The following KCNG2 variants were observed in gnomAD, a reference collection of about 807,000 sequenced individuals.
The protein encoded by KCNG2 is potassium voltage-gated channel modifier subfamily G member 2.
In KCNG2, 7 loss-of-function variants were observed where a neutral mutation model predicts 12.3. That is an observed-to-expected ratio of 0.57 (90% CI 0.32 to 1.07). The LOEUF (loss-of-function observed/expected upper bound fraction) is 1.07, where lower values mean the gene tolerates loss of function less well. Among genes scored for constraint, KCNG2 ranks in the 50% least tolerant of loss-of-function variants. The pLI, the probability that KCNG2 is intolerant of heterozygous loss-of-function variation, is 0.04. For synonymous variants in KCNG2, 414 were observed against 351.4 expected, an observed-to-expected ratio of 1.18 and a Z score of -1.99; for missense variants, 703 against 726.0, an observed-to-expected ratio of 0.97 and a Z score of 0.36.
chr18:79,845,515 G>GCAGCTCCATATAATGTA (rs1425399584), intron 1 of KCNG2, among the ~76,000 whole-genome samples: 1 of 152,204 alleles, frequency 6.6e-6, no homozygotes, highest in Non-Finnish European at 1.5e-5. Context: ...GCAATTATAT[G>GCAGCTCCATATAATGTA]CAGCTGTACT....
intron 3 of KCNG2, among the ~76,000 whole-genome samples, chr18:79,898,170 G>C (rs1252893800): frequency 6.6e-6 from 1 of 152,190 alleles, no homozygotes; most frequent in Non-Finnish European, 1.5e-5. Flanking sequence ...ATGTTCCATT[G>C]CAAAGGAAGT....
intron 3 of KCNG2, among the ~76,000 whole-genome samples, chr18:79,896,412 C>T (rs1438433728): frequency 3.9e-5 from 6 of 152,092 alleles, no homozygotes; most frequent in Non-Finnish European, 7.3e-5. Context: ...GCTGTATTCA[C>T]TTTTCTCCCT....
chr18:79,798,856 A>G (rs1278184998), intron 1 of KCNG2, among the ~76,000 whole-genome samples: 1 of 152,136 alleles, frequency 6.6e-6, no homozygotes, highest in Non-Finnish European at 1.5e-5. Flanking sequence ...CGCGTCCCGA[A>G]CGTTCCCCTA....
At chr18:79,898,415 C>T (rs1356157020) in intron 3 of KCNG2, among the ~76,000 whole-genome samples, 1 of 152,232 alleles carries the variant, frequency 6.6e-6, no homozygotes, top group Non-Finnish European at 1.5e-5. Context: ...AGGCCAGCCT[C>T]CCACCCACGA....
chr18:79,870,246 G>A (rs1026246796), intron 3 of KCNG2, among the ~76,000 whole-genome samples: 4 of 152,244 alleles, frequency 2.6e-5, no homozygotes, highest in Non-Finnish European at 4.4e-5. Context: ...TTCAGCTGCC[G>A]TGGGCCCTAA....
chr18:79,834,312 A>G (rs762503767), intron 1 of KCNG2, among the ~76,000 whole-genome samples: 93 of 152,336 alleles, frequency 6.1e-4, no homozygotes, highest in Middle Eastern at 3.4e-3. Flanking sequence ...CTCATGTTTT[A>G]CAATAGGTTG....
At chr18:79,857,119 G>C (rs534490513) in intron 2 of KCNG2, among the ~76,000 whole-genome samples, 1 of 6,742 alleles carries the variant, frequency 1.5e-4, no homozygotes, top group Admixed American at 1.9e-3. Context: ...GGACTTGTCT[G>C]TGTTCCTCAG....
intron 1 of KCNG2, among the ~76,000 whole-genome samples, chr18:79,814,805 A>G (rs1028661880): frequency 6.6e-6 from 1 of 152,212 alleles, no homozygotes; most frequent in Non-Finnish European, 1.5e-5. Flanking sequence ...AAGGCTTAGT[A>G]GAAGTTCTGG....
intron 1 of KCNG2, among the ~76,000 whole-genome samples, chr18:79,851,825 GGT>G (rs1978835362): frequency 6.6e-6 from 1 of 151,982 alleles, no homozygotes; most frequent in African/African-American, 2.4e-5. Flanking sequence ...CATGTGAATG[GGT>G]GTGTGTGAAT....
chr18:79,815,240 A>G (rs890040717), intron 1 of KCNG2, among the ~76,000 whole-genome samples: 4 of 152,082 alleles, frequency 2.6e-5, no homozygotes, highest in Non-Finnish European at 5.9e-5. Flanking sequence ...GGAGTTCAAG[A>G]TCAGCCTGGG....
chr18:79,895,720 G>C (rs1980946855), intron 3 of KCNG2, among the ~76,000 whole-genome samples: 1 of 151,750 alleles, frequency 6.6e-6, no homozygotes, highest in South Asian at 2.1e-4. Context: ...TGATTGGGTT[G>C]TTCACTCCAT....
At chr18:79,841,210 G>T (rs536489334) in intron 1 of KCNG2, among the ~76,000 whole-genome samples, 83 of 152,282 alleles carry the variant, frequency 5.5e-4, no homozygotes, top group African/African-American at 1.9e-3. Context: ...GATCAAGGTT[G>T]CAATGAGCTG....
intron 1 of KCNG2, among the ~76,000 whole-genome samples, chr18:79,821,266 G>A (rs952455913): frequency 4.1e-5 from 6 of 148,106 alleles, no homozygotes; most frequent in Admixed American, 6.8e-5. Context: ...AATTTTGGCC[G>A]TCAACCCATT....
chr18:79,854,084 G>A (rs113974764), intron 1 of KCNG2, among the ~76,000 whole-genome samples: 11 of 152,388 alleles, frequency 7.2e-5, no homozygotes, highest in African/African-American at 2.6e-4. Context: ...GGGAGCACTG[G>A]CTGCACCTAC....
At chr18:79,887,511 G>A (rs1319615148) in intron 3 of KCNG2, among the ~76,000 whole-genome samples, 1 of 152,256 alleles carries the variant, frequency 6.6e-6, no homozygotes, top group South Asian at 2.1e-4. Flanking sequence ...AGAGACAGAC[G>A]TGGGAGGGAG....
At chr18:79,864,641 C>T (rs1329913177) in intron 3 of KCNG2, among the ~76,000 whole-genome samples, 1 of 152,260 alleles carries the variant, frequency 6.6e-6, no homozygotes, top group Non-Finnish European at 1.5e-5. Context: ...TATTGGGTAT[C>T]CGGGGCCTAG....
At chr18:79,861,140 C>T (rs1009495136) in intron 2 of KCNG2, among the ~76,000 whole-genome samples, 5 of 152,180 alleles carry the variant, frequency 3.3e-5, no homozygotes, top group African/African-American at 9.6e-5. Context: ...TTGTGCCACC[C>T]GTGTATTCCT....
At chr18:79,865,125 G>A (rs1167200193) in intron 3 of KCNG2, among the ~76,000 whole-genome samples, 1 of 150,980 alleles carries the variant, frequency 6.6e-6, no homozygotes, top group Non-Finnish European at 1.5e-5. Flanking sequence ...AAGTCTGGGT[G>A]CTGAGAGGGC....
At chr18:79,815,502 G>GATGGC (rs1202850544) in intron 1 of KCNG2, among the ~76,000 whole-genome samples, 2 of 151,410 alleles carry the variant, frequency 1.3e-5, no homozygotes, top group East Asian at 3.9e-4. Context: ...AGTGTTCAGT[G>GATGGC]ATGGCTTCTA....
Sources: allele counts gnomAD v4.1 joint callset (sites outside exome capture counted in the v4.1 genomes callset), GRCh38; gene constraint gnomAD v4.1.1; transcripts MANE v1.5; gene names NCBI Gene and HGNC (gene_info 2026-07-23, HGNC 2026-07-21).